Variants in NIPAL2 observed in about 807,000 individuals in gnomAD.
NIPAL2 encodes NIPA like domain containing 2.
In NIPAL2, 43 loss-of-function variants were observed where a neutral mutation model predicts 48.9. That is an observed-to-expected ratio of 0.88 (90% confidence interval 0.69 to 1.13). The LOEUF (loss-of-function observed/expected upper bound fraction) is 1.13, where lower values mean the gene tolerates loss of function less well. Ranked by LOEUF, NIPAL2 falls within the 50% of genes most tolerant of loss-of-function variation. The pLI, the probability that NIPAL2 is intolerant of heterozygous loss-of-function variation, is 0.00. For synonymous variants in NIPAL2, 167 were observed against 174.6 expected, an observed-to-expected ratio of 0.96 and a Z score of 0.34; for missense variants, 446 against 461.4, an observed-to-expected ratio of 0.97 and a Z score of 0.31.
intron 8 of NIPAL2, 37 bp from the exon 9 acceptor site, chr8:98,196,042 A>T: frequency 7.7e-7 from 1 of 1,290,896 alleles, no homozygotes; most frequent in African/African-American, 1.5e-5. Flanking sequence ...TTGATTTTGA[A>T]GTAAGGTTAT....
intron 5 of NIPAL2, among the ~76,000 whole-genome samples, chr8:98,221,375 T>TA (rs1811870956): frequency 2.6e-5 from 4 of 151,520 alleles, no homozygotes; most frequent in Non-Finnish European, 4.4e-5. Flanking sequence ...TTTTTTTTTT[T>TA]AAATAAATCA....
intron 4 of NIPAL2, among the ~76,000 whole-genome samples, chr8:98,233,509 C>T (rs976868625): frequency 6.6e-6 from 1 of 152,112 alleles, no homozygotes; most frequent in Admixed American, 6.5e-5. Context: ...TTAATGTGAT[C>T]TTCAAAACTG....
chr8:98,258,882 A>T (rs1266061246), intron 1 of NIPAL2, among the ~76,000 whole-genome samples: 1 of 151,774 alleles, frequency 6.6e-6, no homozygotes, highest in Non-Finnish European at 1.5e-5. Context: ...ATCATTCGTT[A>T]CTTAATTAAG....
chr8:98,197,593 T>TA (rs1435199420), intron 8 of NIPAL2, among the ~76,000 whole-genome samples: 1 of 152,250 alleles, frequency 6.6e-6, no homozygotes, highest in African/African-American at 2.4e-5. Flanking sequence ...AATCTCTACT[T>TA]AATCTTCTCG....
chr8:98,223,352 G>C (rs1182995189), intron 4 of NIPAL2, among the ~76,000 whole-genome samples: 1 of 152,108 alleles, frequency 6.6e-6, no homozygotes, highest in Non-Finnish European at 1.5e-5. Context: ...AGGGGGATTA[G>C]GGGGTGAGGC....
At chr8:98,253,311 A>C (rs1163636546) in intron 2 of NIPAL2, among the ~76,000 whole-genome samples, 2 of 152,168 alleles carry the variant, frequency 1.3e-5, no homozygotes, top group Non-Finnish European at 2.9e-5. Flanking sequence ...CCTGAGGATA[A>C]GAGGGAATTA....
intron 5 of NIPAL2, among the ~76,000 whole-genome samples, chr8:98,214,490 A>G (rs10093623): frequency 0.42 from 63,532 of 151,978 alleles, 13,671 homozygotes; most frequent in South Asian, 0.53. Flanking sequence ...ACGAGATGGT[A>G]TTCTTGGGCT....
In NIPAL2 at chr8:98,290,353, C is replaced by G. The variant is rs963222916; in HGVS notation, c.135+3650G>C. ...AAAAAATCCTGAAGTTTCATCTCAC[C>G]CTATGCAGAATAAACCTTTCTGACT... On this transcript the variant is annotated intron_variant, in intron 1 of 10. Transcript: ENST00000430223. Among the ~76,000 whole-genome samples, 11 of 152,262 alleles carry G rather than the reference C, an allele frequency of 7.2e-5. No individual in the cohort carries two copies. In the East Asian group the frequency reaches 2.1e-3, roughly 29 times the overall value.
chr8:98,204,995 C>T (rs531647257), intron 7 of NIPAL2, 116 bp downstream of exon 7: 92 of 1,136,188 alleles, frequency 8.1e-5, no homozygotes, highest in Non-Finnish European at 1.1e-4. Context: ...ACAGGCCCTT[C>T]ACCCTTAGAA....
intron 1 of NIPAL2, among the ~76,000 whole-genome samples, chr8:98,280,759 T>TAGAGAG (rs765271866): frequency 0.016 from 486 of 31,204 alleles, 5 homozygotes; most frequent in Non-Finnish European, 0.022. Context: ...TATATATATA[T>TAGAGAG]ATAGAGAGAG....
At chr8:98,250,036 G>C (rs1486322400) in intron 3 of NIPAL2, among the ~76,000 whole-genome samples, 2 of 151,940 alleles carry the variant, frequency 1.3e-5, no homozygotes, top group Non-Finnish European at 2.9e-5. Context: ...GAAGATGAAA[G>C]ACTTAAGGGA....
At chr8:98,281,326 G>A (rs1419025624) in intron 1 of NIPAL2, among the ~76,000 whole-genome samples, 3 of 152,040 alleles carry the variant, frequency 2.0e-5, no homozygotes, top group African/African-American at 7.2e-5. Context: ...GTAGAAGGAT[G>A]TTACCAGATG....
At chr8:98,204,425 T>A (rs1810935685) in intron 7 of NIPAL2, among the ~76,000 whole-genome samples, 1 of 152,008 alleles carries the variant, frequency 6.6e-6, no homozygotes, top group African/African-American at 2.4e-5. Context: ...CATTTTGGGG[T>A]GAACAGAAAA....
At chr8:98,242,258 C>T (rs1246957732) in intron 3 of NIPAL2, among the ~76,000 whole-genome samples, 7 of 151,410 alleles carry the variant, frequency 4.6e-5, no homozygotes, top group Non-Finnish European at 1.0e-4. Context: ...TGGCTCGCTG[C>T]AGCCTCGACC....
chr8:98,205,011 T>A, intron 7 of NIPAL2, 100 bp downstream of exon 7: 1 of 1,280,834 alleles, frequency 7.8e-7, no homozygotes, highest in East Asian at 2.3e-5. Context: ...TAGAAATCAG[T>A]TGTATCTCAT....
chr8:98,252,649 G>C lies in NIPAL2; in HGVS notation c.205-15C>G. ...TGAGAATATTTCTGAAAGTAAATCA[G>C]AAGACAAATAAGAAAACATTCTGAG... On this transcript the variant is annotated splice_polypyrimidine_tract_variant and intron_variant, in intron 2 of 10. Transcript: ENST00000430223. 1 of 1,599,886 alleles carries C rather than the reference G, an allele frequency of 6.3e-7. No individual in the cohort carries two copies. Among genetic ancestry groups the C allele is most frequent in the Non-Finnish European group, 8.5e-7 (1 of 1,175,396 alleles).
intron 5 of NIPAL2, chr8:98,217,339 G>C (rs76320021): frequency 6.1e-6 from 6 of 979,308 alleles, no homozygotes; most frequent in Non-Finnish European, 7.3e-6. Context: ...AGTGGGTGCC[G>C]CACTATTATG....
intron 8 of NIPAL2, 127 bp from the exon 9 acceptor site, chr8:98,196,132 A>G (rs1422150056): frequency 1.9e-6 from 1 of 538,234 alleles, no homozygotes; most frequent in East Asian, 3.8e-5. Context: ...CTTAAAATGC[A>G]CATTCAGCAG....
intron 7 of NIPAL2, 31 bp downstream of exon 7, chr8:98,205,080 A>T (rs561873166): frequency 6.2e-7 from 1 of 1,608,964 alleles, no homozygotes; most frequent in East Asian, 2.2e-5. Context: ...GGAATGTTGA[A>T]AGATTAGTGA....
Sources: gnomAD v4.1 joint callset for allele counts (sites outside exome capture counted in the v4.1 genomes callset) on GRCh38, gnomAD v4.1.1 for gene constraint, MANE v1.5 for transcripts, NCBI Gene and HGNC (gene_info 2026-07-23, HGNC 2026-07-21) for gene names.